Variants in TMIGD1 observed in about 807,000 individuals in gnomAD.
TMIGD1 encodes transmembrane and immunoglobulin domain containing 1.
Under a neutral mutation model 27.5 loss-of-function variants are expected in TMIGD1, and 29 were observed. The ratio of observed to expected loss-of-function variants is 1.05; its 90% confidence interval spans 0.78 to 1.44. The LOEUF (loss-of-function observed/expected upper bound fraction) is 1.44. Among genes scored for constraint, TMIGD1 ranks in the 40% most tolerant of loss-of-function variants. TMIGD1 has a pLI of 0.00. For synonymous variants in TMIGD1, 109 were observed against 110.3 expected (o/e 0.99, Z 0.07); for missense variants, 334 against 310.6 (o/e 1.08, Z -0.57).
chr17:30,318,776 C>T (rs748364016), intron 5 of TMIGD1, 34 bp downstream of exon 5: 1 of 1,513,624 alleles, frequency 6.6e-7, no homozygotes, highest in South Asian at 1.1e-5. Context: ...CAGATGATGG[C>T]TTTTTACTTA....
In TMIGD1 at chr17:30,316,497, C is replaced by A; in HGVS notation, c.*190G>T. 1.8e-6 allele frequency: 1 copy of A among 561,964 alleles called. No homozygotes were observed. The highest frequency in any genetic ancestry group is 3.1e-6 in the Non-Finnish European group (1 of 322,276). The allele number at this position is 561,964 out of a possible 1,614,324, so 34.8% of individuals were successfully genotyped here. ...ACTTAACAAAATCTTACTTTTCATTCTTAATAGCTCTTTCCATAAAAATGT... is the reference window on the plus strand; with the variant it reads ...ACTTAACAAAATCTTACTTTTCATTATTAATAGCTCTTTCCATAAAAATGT... On this transcript the variant is annotated 3_prime_UTR_variant, in exon 7 of 7. Coordinates refer to ENST00000328886, the MANE Select transcript of TMIGD1 (RefSeq NM_206832.3).
chr17:30,330,506 C>T (rs1303387401), intron 2 of TMIGD1, among the ~76,000 whole-genome samples: 1 of 152,142 alleles, frequency 6.6e-6, no homozygotes, highest in East Asian at 1.9e-4. Context: ...ATCAAAATTG[C>T]ACATGCAGAT....
intron 4 of TMIGD1, among the ~76,000 whole-genome samples, chr17:30,319,261 A>AAAAAAAAAAAAAAAAAAAAAAAAATATAT: frequency 1.4e-5 from 1 of 69,046 alleles, no homozygotes; most frequent in Non-Finnish European, 2.6e-5. Flanking sequence ...AAAAAAAAAA[A>AAAAAAAAAAAAAAAAAAAAAAAAATATAT]ATATATATAT....
At chr17:30,323,096 G>C (rs925531328) in intron 4 of TMIGD1, among the ~76,000 whole-genome samples, 2 of 152,100 alleles carry the variant, frequency 1.3e-5, no homozygotes, top group Non-Finnish European at 2.9e-5. Flanking sequence ...CTTGAGCCTG[G>C]GGGGATGAGG....
At position 30,324,838 on chromosome 17, in the gene TMIGD1, C is replaced by T. The variant is rs1423285473; in HGVS notation, c.618G>A (p.Leu206=). Residue 206 remains leucine (L), a synonymous_variant, in exon 4 of 7, where the codon TTG becomes TTA. Transcript: ENST00000328886. The part of the protein sequence containing the change: ...IAKSSLKTES[L]DFHLIVKDKT... ...TACCTTTAACAATCAGGTGAAAGTCCAAGCTCTCCGTTTTCAGAGATGACT... is the reference window on the plus strand; with the variant it reads ...TACCTTTAACAATCAGGTGAAAGTCTAAGCTCTCCGTTTTCAGAGATGACT... The T allele has an allele frequency of 1.2e-6, 2 of 1,614,040 alleles. No homozygotes were observed. Among genetic ancestry groups the T allele is most frequent in the South Asian group, 2.2e-5 (2 of 91,078 alleles).
At chr17:30,322,081 G>T (rs1399119950) in intron 4 of TMIGD1, among the ~76,000 whole-genome samples, 1 of 152,102 alleles carries the variant, frequency 6.6e-6, no homozygotes, top group Non-Finnish European at 1.5e-5. Flanking sequence ...CTCCCGCTCG[G>T]TCTCCCAAAG....
In TMIGD1 at chr17:30,319,267, T is replaced by G. The variant is rs573722132; in HGVS notation, c.641-354A>C. On this transcript the variant is annotated intron_variant, in intron 4 of 6. Coordinates refer to ENST00000328886, the MANE Select transcript of TMIGD1 (RefSeq NM_206832.3). ...AAAAAAAGAAAAAAAAAAAAATATA[T>G]ATATATATATAGCTGGGCATGGTGG... Among the ~76,000 whole-genome samples the G allele has an allele frequency of 9.5e-5, 6 of 63,110 alleles. No homozygotes were observed. The East Asian group carries it at 1.4e-3, about 14-fold the overall frequency. The allele number at this position is 63,110 out of a possible 152,430, so 41.4% of individuals were successfully genotyped here.
intron 3 of TMIGD1, among the ~76,000 whole-genome samples, chr17:30,328,968 C>CAAA (rs34701131): frequency 2.3e-5 from 2 of 86,950 alleles, no homozygotes; most frequent in Non-Finnish European, 4.5e-5. Context: ...GACTCTGTCT[C>CAAA]AAAAAAAAAA....
rs1264851836 is a variant in TMIGD1, at chr17:30,318,882, A to G, written c.672T>C (p.Ile224=). The G allele has an allele frequency of 6.2e-7, 1 of 1,613,810 alleles. No individual in the cohort carries two copies. Among genetic ancestry groups the G allele is most frequent in the Non-Finnish European group, 8.5e-7 (1 of 1,179,838 alleles). Residue 224 remains isoleucine, a synonymous_variant, in exon 5 of 7, where the codon ATT becomes ATC. Transcript: ENST00000328886. ...DKTVGVPIEP[I]IAACVVIFLT... is the part of the protein sequence containing the mutation. ...GAAAGATCACAACACATGCAGCAAT[A>G]ATGGGCTCTATTGGTACACCCACAG...
chr17:30,327,882 C>A (rs1246455086), intron 3 of TMIGD1, among the ~76,000 whole-genome samples: 1 of 152,052 alleles, frequency 6.6e-6, no homozygotes, highest in Admixed American at 6.6e-5. Flanking sequence ...AGCTTTTCAC[C>A]CAACAACCCA....
intron 2 of TMIGD1, among the ~76,000 whole-genome samples, chr17:30,331,737 T>C (rs1018027314): frequency 6.6e-6 from 1 of 152,092 alleles, no homozygotes; most frequent in Non-Finnish European, 1.5e-5. Flanking sequence ...TACAGGCGCC[T>C]GCCAGCACAC....
At position 30,325,009 on chromosome 17, in the gene TMIGD1, G is replaced by C. The variant is rs73989841; in HGVS notation, c.447C>G (p.Pro149=). Residue 149 remains proline, a synonymous_variant, in exon 4 of 7, where the codon CCC becomes CCG. Coordinates refer to ENST00000328886, the MANE Select transcript of TMIGD1 (RefSeq NM_206832.3). ...TTTTGTACCACATCATTTGAGCCTGGGGGTTGGCTTTCACATTGCAAACCA... is the reference window on the plus strand; with the variant it reads ...TTTTGTACCACATCATTTGAGCCTGCGGGTTGGCTTTCACATTGCAAACCA... ...VKLVCNVKAN[P]QAQMMWYKNS... is the part of the protein sequence containing the mutation. 5 of 1,614,012 alleles carry C rather than the reference G, an allele frequency of 3.1e-6. No individual in the cohort carries two copies. The South Asian group carries it at 3.3e-5, about 11-fold the overall frequency.
At chr17:30,330,220 T>A (rs535966233) in intron 2 of TMIGD1, among the ~76,000 whole-genome samples, 3 of 117,632 alleles carry the variant, frequency 2.6e-5, no homozygotes, top group Admixed American at 1.1e-4. Context: ...AGGTTAGAAA[T>A]CAATACATAC....
chr17:30,316,643 C>A lies in TMIGD1; in HGVS notation c.*44G>T. ...ATGGGACTACATAAATTGTGGAGGT[C>A]CTGATGCAAAACTCTCTCTGTATTC... On this transcript the variant is annotated 3_prime_UTR_variant, in exon 7 of 7. Coordinates refer to ENST00000328886, the MANE Select transcript of TMIGD1 (RefSeq NM_206832.3). 6.2e-7 allele frequency: 1 copy of A among 1,607,568 alleles called. No homozygotes were observed. Among genetic ancestry groups the A allele is most frequent in the Non-Finnish European group, 8.5e-7 (1 of 1,175,638 alleles).
At position 30,329,534 on chromosome 17, in the gene TMIGD1, G is replaced by C; in HGVS notation, c.83-5C>G. ...CATTCACAGTTAAAACAGAACCTGG[G>C]AGTATAGGGAGAAACTATTTAGATA... On this transcript the variant is annotated splice_polypyrimidine_tract_variant and splice_region_variant and intron_variant, in intron 2 of 6. Transcript: ENST00000328886. 6.2e-7 allele frequency: 1 copy of C among 1,604,184 alleles called. No homozygotes were observed. Among genetic ancestry groups the C allele is most frequent in the Non-Finnish European group, 8.5e-7 (1 of 1,172,566 alleles).
intron 1 of TMIGD1, among the ~76,000 whole-genome samples, chr17:30,333,335 G>T (rs1910042393): frequency 1.3e-5 from 2 of 152,038 alleles, no homozygotes; most frequent in South Asian, 4.2e-4. Context: ...CAGCTACTCG[G>T]GAGGCTGAGG....
intron 3 of TMIGD1, among the ~76,000 whole-genome samples, chr17:30,328,375 A>G (rs950051584): frequency 6.6e-6 from 1 of 152,198 alleles, no homozygotes; most frequent in African/African-American, 2.4e-5. Flanking sequence ...GCTAGGAACT[A>G]CAAAGGAAAA....
In TMIGD1 at chr17:30,325,071, C is replaced by A. The variant is rs767179206; in HGVS notation, c.385G>T (p.Asp129Tyr). 3 of 1,613,288 alleles carry A rather than the reference C, an allele frequency of 1.9e-6. No homozygotes were observed. Among genetic ancestry groups the A allele is most frequent in the South Asian group, 2.2e-5 (2 of 90,936 alleles). ...CTGCCTTCCTCAACTGTTTGGAAGT[C>A]GTTTCCACTTAGGAGAGGAGGAACT... ...VTFPPLLSGN[D>Y]FQTVEEGSNV... The change falls in exon 4 of 7, where the codon GAC becomes TAC. Residue 129 changes from aspartate (D) to tyrosine (Y), a missense_variant. By Grantham distance (160) the Asp-to-Tyr change is radical. Coordinates refer to ENST00000328886, the MANE Select transcript of TMIGD1 (RefSeq NM_206832.3).
Position 30,317,186 on chromosome 17 carries a change from T to C in TMIGD1, c.785+7A>G. 6.2e-7 allele frequency: 1 copy of C among 1,613,926 alleles called. No homozygotes were observed. The highest frequency in any genetic ancestry group is 8.5e-7 in the Non-Finnish European group (1 of 1,179,868). On this transcript the variant is annotated splice_region_variant and intron_variant, in intron 6 of 6. Transcript: ENST00000328886. ...AAAAAGCACTGGTCCCGGCCTAGAGTACTTACAGAGCTGTTTCACTGTGAG... is the reference window on the plus strand; with the variant it reads ...AAAAAGCACTGGTCCCGGCCTAGAGCACTTACAGAGCTGTTTCACTGTGAG...
Sources: gnomAD v4.1 joint callset for allele counts (sites outside exome capture counted in the v4.1 genomes callset) on GRCh38, gnomAD v4.1.1 for gene constraint, MANE v1.5 for transcripts, NCBI Gene and HGNC (gene_info 2026-07-23, HGNC 2026-07-21) for gene names.